Variants in SLC5A8 observed in about 807,000 individuals in gnomAD.
SLC5A8 encodes solute carrier family 5 member 8.
SLC5A8 carries 55 observed loss-of-function variants against 71.9 expected under a neutral mutation model. The observed-to-expected ratio is 0.77, with a 90% CI of 0.62 to 0.96. The LOEUF is 0.96. Among genes scored for constraint, SLC5A8 ranks in the 40% least tolerant of loss-of-function variants. SLC5A8 has a pLI of 0.00. For synonymous variants in SLC5A8, 307 were observed against 276.1 expected (o/e 1.11, Z -1.11); for missense variants, 701 against 745.3 (o/e 0.94, Z 0.69).
chr12:101,184,078 A>G, intron 8 of SLC5A8, 56 bp downstream of exon 8: 1 of 1,548,746 alleles, frequency 6.5e-7, no homozygotes, highest in Non-Finnish European at 8.9e-7. Context: ...AGTATCTAAT[A>G]ATAAAAGAAA....
intron 13 of SLC5A8, among the ~76,000 whole-genome samples, chr12:101,159,683 T>C (rs191175617): frequency 2.0e-5 from 3 of 152,268 alleles, no homozygotes; most frequent in African/African-American, 4.8e-5. Context: ...TGTTACTTCT[T>C]GAAACAAAAG....
chr12:101,182,410 C>T (rs777931020), intron 9 of SLC5A8, among the ~76,000 whole-genome samples: 1 of 152,150 alleles, frequency 6.6e-6, no homozygotes, highest in Non-Finnish European at 1.5e-5. Flanking sequence ...CTCTTGGTTA[C>T]AAACTAGGGA....
chr12:101,164,912 T>C (rs1295019870), intron 12 of SLC5A8, among the ~76,000 whole-genome samples: 1 of 152,256 alleles, frequency 6.6e-6, no homozygotes, highest in Non-Finnish European at 1.5e-5. Context: ...AGTAGTAGTA[T>C]ATCTCTGAAG....
chr12:101,166,952 G>A (rs1019743171), intron 11 of SLC5A8, among the ~76,000 whole-genome samples: 1 of 151,916 alleles, frequency 6.6e-6, no homozygotes, highest in African/African-American at 2.4e-5. Flanking sequence ...TTTAAGGAAG[G>A]CAGATAATCT....
chr12:101,208,504 C>A (rs1440970222), intron 1 of SLC5A8, among the ~76,000 whole-genome samples: 2 of 152,150 alleles, frequency 1.3e-5, no homozygotes, highest in East Asian at 3.9e-4. Flanking sequence ...CTGAACTGGG[C>A]CCCGCCACTC....
At chr12:101,180,884 C>A (rs1649226342) in intron 9 of SLC5A8, among the ~76,000 whole-genome samples, 1 of 152,154 alleles carries the variant, frequency 6.6e-6, no homozygotes, top group East Asian at 1.9e-4. Flanking sequence ...TTCAAACCAC[C>A]ACTGGTGGTC....
Position 101,167,663 on chromosome 12 carries a change from G to A in SLC5A8, c.1320+433C>T, listed in dbSNP as rs149924037. On this transcript the variant is annotated intron_variant, in intron 11 of 14. Coordinates refer to ENST00000536262, the MANE Select transcript of SLC5A8 (RefSeq NM_145913.5). ...TGGGAGCTACAGCTTTAAATGTCAG[G>A]AGTAGAAAATTCCTGGCCAAGGTGG... Among the ~76,000 whole-genome samples the A allele has an allele frequency of 5.5e-3, 835 of 152,312 alleles. 5 individuals carry two copies. Among genetic ancestry groups the A allele is most frequent in the Non-Finnish European group, 9.5e-3 (647 of 68,018 alleles).
At chr12:101,161,373 G>A (rs2051721901) in intron 13 of SLC5A8, among the ~76,000 whole-genome samples, 1 of 152,052 alleles carries the variant, frequency 6.6e-6, no homozygotes, top group Admixed American at 6.6e-5. Context: ...AGGACAAAAT[G>A]GAGTCCCAAG....
At chr12:101,197,790 C>A (rs1094757) in intron 3 of SLC5A8, among the ~76,000 whole-genome samples, 78,991 of 151,758 alleles carry the variant, frequency 0.52, 21,843 homozygotes, top group African/African-American at 0.72. Flanking sequence ...ACAAGTAAAA[C>A]AAATTCCATA....
chr12:101,206,880 T>A (rs1487240365), intron 1 of SLC5A8, among the ~76,000 whole-genome samples: 7 of 152,196 alleles, frequency 4.6e-5, no homozygotes, highest in African/African-American at 1.4e-4. Context: ...GCTAAACACC[T>A]ATCAGGACTA....
chr12:101,179,351 T>G (rs182697479), intron 10 of SLC5A8, among the ~76,000 whole-genome samples: 1 of 152,352 alleles, frequency 6.6e-6, no homozygotes, highest in East Asian at 1.9e-4. Context: ...TATGTAATGT[T>G]TGTAACAGAT....
intron 3 of SLC5A8, 44 bp from the exon 4 acceptor site, chr12:101,195,206 C>T: frequency 6.3e-7 from 1 of 1,578,494 alleles, no homozygotes; most frequent in Non-Finnish European, 8.7e-7. Flanking sequence ...GAAATATGCA[C>T]AATAAAAATA....
chr12:101,179,956 G>C (rs2051916217), intron 10 of SLC5A8, 73 bp downstream of exon 10: 3 of 1,508,554 alleles, frequency 2.0e-6, no homozygotes, highest in Admixed American at 3.3e-5. Flanking sequence ...GAGAAGTCTG[G>C]AAGGATGGTC....
Position 101,193,654 on chromosome 12 carries a change from G to A in SLC5A8, c.663C>T (p.Ala221=). The change falls in exon 5 of 15, where the codon GCC becomes GCT. Residue 221 remains alanine, a synonymous_variant. Coordinates refer to ENST00000536262, the MANE Select transcript of SLC5A8 (RefSeq NM_145913.5). ...QGGISTILND[A]YDGGRLNFWN... ...AGAAATTTAATCTTCCACCATCATA[G>A]GCATCATTTAAAATAGTGCTGATTC... is the stretch of plus-strand genomic sequence containing the variant. 2 of 1,613,816 alleles carry A rather than the reference G, an allele frequency of 1.2e-6. No homozygotes were observed. The highest frequency in any genetic ancestry group is 1.7e-6 in the Non-Finnish European group (2 of 1,179,908).
At chr12:101,158,598 C>CTCTCTCTCTCTCTATATATATATA (rs1411795424) in intron 13 of SLC5A8, among the ~76,000 whole-genome samples, 1 of 21,240 alleles carries the variant, frequency 4.7e-5, no homozygotes, top group Non-Finnish European at 8.8e-5. Context: ...CTCTCTCTCT[C>CTCTCTCTCTCTCTATATATATATA]TATATATATA....
chr12:101,173,253 A>C (rs759324758), intron 10 of SLC5A8, among the ~76,000 whole-genome samples: 4 of 152,210 alleles, frequency 2.6e-5, no homozygotes, highest in Non-Finnish European at 5.9e-5. Context: ...TACACACAGC[A>C]CAGCCAGGTG....
At chr12:101,182,671 A>T in intron 9 of SLC5A8, 132 bp downstream of exon 9, 2 of 604,694 alleles carry the variant, frequency 3.3e-6, no homozygotes, top group Non-Finnish European at 5.7e-6. Context: ...CTGCATTGTC[A>T]TAGGCATACA....
rs1360482205 is a variant in SLC5A8, at chr12:101,161,972, A to T, written c.1630+2T>A. ...CAACAATACTAATGTTTAGATAGTT[A>T]CCTGTTGATAAACTGACAAGTATCC... On this transcript the variant is annotated splice_donor_variant, in intron 13 of 14. Transcript: ENST00000536262. LOFTEE classifies it high-confidence loss of function. 6.3e-7 allele frequency: 1 copy of T among 1,592,558 alleles called. No homozygotes were observed. Among genetic ancestry groups the T allele is most frequent in the South Asian group, 1.1e-5 (1 of 90,650 alleles).
chr12:101,168,194 A>C lies in SLC5A8; in HGVS notation c.1234-12T>G, dbSNP rs1479683233. 1.3e-6 allele frequency: 2 copies of C among 1,588,392 alleles called. No homozygotes were observed. The highest frequency in any genetic ancestry group is 1.7e-6 in the Non-Finnish European group (2 of 1,167,874). On this transcript the variant is annotated splice_polypyrimidine_tract_variant and intron_variant, in intron 10 of 14. Coordinates refer to ENST00000536262, the MANE Select transcript of SLC5A8 (RefSeq NM_145913.5). ...ACGCTGAGTGCTGCCTACAAAAATA[A>C]TACAACGTCAGCAATTAGCAATCTC...
Sources: allele counts gnomAD v4.1 joint callset (sites outside exome capture counted in the v4.1 genomes callset), GRCh38; gene constraint gnomAD v4.1.1; transcripts MANE v1.5; gene names NCBI Gene and HGNC (gene_info 2026-07-23, HGNC 2026-07-21).